Variants in OSBPL3 observed in about 807,000 individuals in gnomAD.
OSBPL3 encodes oxysterol binding protein like 3.
In OSBPL3, 65 loss-of-function variants were observed where a neutral mutation model predicts 120.1. The ratio of observed to expected loss-of-function variants is 0.54; its 90% CI spans 0.44 to 0.67. The LOEUF is 0.67. OSBPL3 is among the 30% of genes least tolerant of loss of function. The pLI is 0.00. For synonymous variants in OSBPL3, 416 were observed against 402.6 expected (o/e 1.03, Z -0.40); for missense variants, 1,004 against 1,082.1 (o/e 0.93, Z 1.01).
At chr7:24,812,113 C>A (rs1793878596) in intron 19 of OSBPL3, among the ~76,000 whole-genome samples, 1 of 151,954 alleles carries the variant, frequency 6.6e-6, no homozygotes. Flanking sequence ...TCGAGACCAG[C>A]CTGTCCAACA....
intron 1 of OSBPL3, among the ~76,000 whole-genome samples, chr7:24,957,088 T>C (rs138318735): frequency 6.6e-6 from 1 of 152,276 alleles, no homozygotes; most frequent in East Asian, 1.9e-4. Context: ...TAAGCCACTC[T>C]TGAAAGTTTC....
chr7:24,947,778 TCA>T lies in OSBPL3; in HGVS notation c.-150+32106_-150+32107del, dbSNP rs56135680. 0.31 allele frequency among the ~76,000 whole-genome samples: 45,981 copies of T among 147,938 alleles called. 7,773 individuals carry two copies. Among genetic ancestry groups the T allele is most frequent in the East Asian group, 0.75 (3,705 of 4,962 alleles). On this transcript the variant is annotated intron_variant, in intron 1 of 22. Transcript: ENST00000313367. This position sits in a 1 kb window ranked among gnomAD's most constrained non-coding sequence, Gnocchi z 4.4. ...ATGTATACATACATATCCAATTAAATCACACACACACACACACACACACACAC... is the reference window on the plus strand; with the variant it reads ...ATGTATACATACATATCCAATTAAATCACACACACACACACACACACACAC...
In OSBPL3 at chr7:24,900,521, C is replaced by T. The variant is rs1175623432; in HGVS notation, c.-149-7900G>A. On this transcript the variant is annotated intron_variant, in intron 1 of 22. Transcript: ENST00000313367. The surrounding 1 kb of genome is among the most constrained non-coding windows in gnomAD (Gnocchi z 4.5). The stretch of plus-strand genomic sequence containing the variant: ...ACATTTGTCAGGGATTAGAGTAGAC[C>T]CTGAGTTCTTTTCTGGGAAAGATTT... 2.0e-5 allele frequency among the ~76,000 whole-genome samples: 3 copies of T among 152,036 alleles called. No individual in the cohort carries two copies. Among genetic ancestry groups the T allele is most frequent in the Non-Finnish European group, 2.9e-5 (2 of 67,994 alleles).
At position 24,970,141 on chromosome 7, in the gene OSBPL3, G is replaced by A. The variant is rs540746096; in HGVS notation, c.-150+9745C>T. On this transcript the variant is annotated intron_variant, in intron 1 of 22. Coordinates refer to ENST00000313367, the MANE Select transcript of OSBPL3 (RefSeq NM_015550.4). ...TTTTTTTTTTTTGAGACGGTGTCTC[G>A]CTCTTGTCGTCTAGGGAGTGCAGTG... Among the ~76,000 whole-genome samples the A allele has an allele frequency of 1.0e-4, 12 of 116,344 alleles. No individual in the cohort carries two copies. The East Asian group carries it at 2.7e-3, about 26-fold the overall frequency. The allele number at this position is 116,344 out of a possible 152,430, so 76.3% of individuals were successfully genotyped here.
chr7:24,956,229 C>A (rs1265666516), intron 1 of OSBPL3, among the ~76,000 whole-genome samples: 1 of 152,200 alleles, frequency 6.6e-6, no homozygotes, highest in African/African-American at 2.4e-5. Context: ...GCAAAGCCTG[C>A]CCCAGGGCAA....
rs149052832 is a variant in OSBPL3 at position 24,885,814 on chromosome 7, T to A, written c.96+6563A>T. Among the ~76,000 whole-genome samples the A allele has an allele frequency of 2.3e-3, 345 of 152,266 alleles. 1 individual carries two copies. The highest frequency in any genetic ancestry group is 8.0e-3 in the African/African-American group (332 of 41,552). ...TTTAATAACAGGCTCTCAATACATA[T>A]TGGCTGAAGAAATAAAACTCAAGGC... On this transcript the variant is annotated intron_variant, in intron 2 of 22. Coordinates refer to ENST00000313367, the MANE Select transcript of OSBPL3 (RefSeq NM_015550.4).
chr7:24,805,792 A>C lies in OSBPL3; in HGVS notation c.2444+984T>G, dbSNP rs1792954977. ...AACAACAGTGTTCAATCCCTGCAAA[A>C]TGAATTTACCTCCCTATGTCCATTT... is the stretch of plus-strand genomic sequence containing the variant. On this transcript the variant is annotated intron_variant, in intron 21 of 22. Coordinates refer to ENST00000313367, the MANE Select transcript of OSBPL3 (RefSeq NM_015550.4). This position sits in a 1 kb window ranked among gnomAD's most constrained non-coding sequence, Gnocchi z 4.0. Among the ~76,000 whole-genome samples, 1 of 152,214 alleles carries C rather than the reference A, an allele frequency of 6.6e-6. No individual in the cohort carries two copies. The highest frequency in any genetic ancestry group is 1.5e-5 in the Non-Finnish European group (1 of 68,052).
In OSBPL3 at chr7:24,883,410, T is replaced by C. The variant is rs10242160; in HGVS notation, c.96+8967A>G. Among the ~76,000 whole-genome samples the C allele has an allele frequency of 0.4, 61,544 of 152,000 alleles. 13,607 individuals carry two copies. Among genetic ancestry groups the C allele is most frequent in the East Asian group, 0.71 (3,687 of 5,170 alleles). On this transcript the variant is annotated intron_variant, in intron 2 of 22. Transcript: ENST00000313367. This position sits in a 1 kb window ranked among gnomAD's most constrained non-coding sequence, Gnocchi z 5.4. The stretch of plus-strand genomic sequence containing the variant: ...CTTTCCCCTCCCCAGGAAAGAGCTA[T>C]TGAATCGGTCAGCTCAGTTCACATT...
At chr7:24,929,948 T>C (rs961077984) in intron 1 of OSBPL3, among the ~76,000 whole-genome samples, 2 of 152,110 alleles carry the variant, frequency 1.3e-5, no homozygotes, top group African/African-American at 4.8e-5. Flanking sequence ...TATCTAGCAA[T>C]GTAAAAAAAA....
At chr7:24,814,239 A>G (rs1234099610) in intron 19 of OSBPL3, among the ~76,000 whole-genome samples, 2 of 152,020 alleles carry the variant, frequency 1.3e-5, no homozygotes, top group East Asian at 3.9e-4. Flanking sequence ...AGTGGGGAAA[A>G]AGAGGGAGGA....
rs1445306696 is a variant in OSBPL3 at position 24,817,268 on chromosome 7, G to C, written c.1949-580C>G. Among the ~76,000 whole-genome samples the C allele has an allele frequency of 6.6e-6, 1 of 152,176 alleles. No homozygotes were observed. The highest frequency in any genetic ancestry group is 1.5e-5 in the Non-Finnish European group (1 of 68,036). The stretch of plus-strand genomic sequence containing the variant: ...GCAGTGGCTCATGCCTGTAATCCTA[G>C]CACTTTGGGAGGCAGAGGTGGGTGG... On this transcript the variant is annotated intron_variant, in intron 17 of 22. Coordinates refer to ENST00000313367, the MANE Select transcript of OSBPL3 (RefSeq NM_015550.4). This position sits in a 1 kb window ranked among gnomAD's most constrained non-coding sequence, Gnocchi z 4.0.
chr7:24,871,885 AC>A lies in OSBPL3; in HGVS notation c.213+67del, dbSNP rs1802165705. The A allele has an allele frequency of 4.1e-6, 6 of 1,458,250 alleles. No individual in the cohort carries two copies. Among genetic ancestry groups the A allele is most frequent in the African/African-American group, 1.4e-5 (1 of 71,740 alleles). The allele number at this position is 1,458,250 out of a possible 1,614,324, so 90.3% of individuals were successfully genotyped here. A position where few individuals can be genotyped will look rare whatever the true frequency, so the allele number is the denominator to read the frequency against. On this transcript the variant is annotated intron_variant, in intron 3 of 22. Transcript: ENST00000313367. The surrounding 1 kb of genome is among the most constrained non-coding windows in gnomAD (Gnocchi z 4.8). ...TTCCAACTAGAAATTAAATATGAGTACCTAAGAACCAGGTGCTGAGTGGGGC... is the reference window on the plus strand; with the variant it reads ...TTCCAACTAGAAATTAAATATGAGTACTAAGAACCAGGTGCTGAGTGGGGC...
chr7:24,930,625 C>G lies in OSBPL3; in HGVS notation c.-149-38004G>C, dbSNP rs767220695. On this transcript the variant is annotated intron_variant, in intron 1 of 22. Coordinates refer to ENST00000313367, the MANE Select transcript of OSBPL3 (RefSeq NM_015550.4). The surrounding 1 kb of genome is among the most constrained non-coding windows in gnomAD (Gnocchi z 4.4). ...CCTAAGGGGGAAATGAAGAATAAAG[C>G]CATCAATTCAGTTGGTCATTAACCT... 6.6e-6 allele frequency among the ~76,000 whole-genome samples: 1 copy of G among 152,030 alleles called. No homozygotes were observed. Among genetic ancestry groups the G allele is most frequent in the Non-Finnish European group, 1.5e-5 (1 of 68,022 alleles).
At position 24,896,144 on chromosome 7, in the gene OSBPL3, T is replaced by C. The variant is rs1221567887; in HGVS notation, c.-149-3523A>G. ...GTGCATTCTGCCTAATGTCAGTGTT[T>C]GATGTGTGACAGAATTCGGTTTGGG... On this transcript the variant is annotated intron_variant, in intron 1 of 22. Transcript: ENST00000313367. This position sits in a 1 kb window ranked among gnomAD's most constrained non-coding sequence, Gnocchi z 4.4. Among the ~76,000 whole-genome samples the C allele has an allele frequency of 1.3e-5, 2 of 152,210 alleles. No individual in the cohort carries two copies. The highest frequency in any genetic ancestry group is 4.8e-5 in the African/African-American group (2 of 41,452).
rs77630140 is a variant in OSBPL3, at chr7:24,966,807, T to G, written c.-150+13079A>C. ...AACGCCTCTCTAAAGAGGCTGGGCTTGTTGTGCCTCATGAGGCTGATCATT... is the reference window on the plus strand; with the variant it reads ...AACGCCTCTCTAAAGAGGCTGGGCTGGTTGTGCCTCATGAGGCTGATCATT... On this transcript the variant is annotated intron_variant, in intron 1 of 22. Transcript: ENST00000313367. The surrounding 1 kb of genome is among the most constrained non-coding windows in gnomAD (Gnocchi z 4.8). Among the ~76,000 whole-genome samples the G allele has an allele frequency of 0.011, 1,696 of 152,340 alleles. 19 individuals are homozygous for G. The highest frequency in any genetic ancestry group is 0.02 in the Middle Eastern group (6 of 294).
intron 1 of OSBPL3, among the ~76,000 whole-genome samples, chr7:24,945,253 C>T (rs1813582657): frequency 6.6e-6 from 1 of 152,142 alleles, no homozygotes; most frequent in African/African-American, 2.4e-5. Flanking sequence ...TTAATTCATT[C>T]ATTCTCCCAC....
upstream of OSBPL3, among the ~76,000 whole-genome samples, chr7:24,980,438 T>C (rs546755033): frequency 6.6e-6 from 1 of 151,824 alleles, no homozygotes; most frequent in Non-Finnish European, 1.5e-5. Flanking sequence ...AGGCGAGTCC[T>C]GCGGCGAGGC....
rs1794560221 is a variant in OSBPL3 at position 24,817,017 on chromosome 7, T to C, written c.1949-329A>G. The stretch of plus-strand genomic sequence containing the variant: ...GAGAAGAAGGAGTGACGAATATGCT[T>C]GGAGAAAGCATCAGAAGAGGCTTGT... On this transcript the variant is annotated intron_variant, in intron 17 of 22. Transcript: ENST00000313367. The surrounding 1 kb of genome is among the most constrained non-coding windows in gnomAD (Gnocchi z 4.0). Among the ~76,000 whole-genome samples the C allele has an allele frequency of 6.6e-6, 1 of 152,100 alleles. No homozygotes were observed. The highest frequency in any genetic ancestry group is 1.5e-5 in the Non-Finnish European group (1 of 68,016).
At position 24,851,766 on chromosome 7, in the gene OSBPL3, T is replaced by C. The variant is rs951584609; in HGVS notation, c.1158+738A>G. Among the ~76,000 whole-genome samples the C allele has an allele frequency of 6.6e-6, 1 of 150,546 alleles. No homozygotes were observed. Among genetic ancestry groups the C allele is most frequent in the African/African-American group, 2.4e-5 (1 of 41,044 alleles). ...AAAAAACGAGATAACTTTATTCAAA[T>C]AGAGGTAGGACATGGCACTTTAATG... On this transcript the variant is annotated intron_variant, in intron 11 of 22. Coordinates refer to ENST00000313367, the MANE Select transcript of OSBPL3 (RefSeq NM_015550.4). The surrounding 1 kb of genome is among the most constrained non-coding windows in gnomAD (Gnocchi z 4.1).
Sources: allele counts gnomAD v4.1 joint callset (sites outside exome capture counted in the v4.1 genomes callset), GRCh38; gene constraint gnomAD v4.1.1; non-coding constraint Gnocchi (gnomAD v3.1); transcripts MANE v1.5; gene names NCBI Gene and HGNC (gene_info 2026-07-23, HGNC 2026-07-21).